The following COG6 variants were observed in gnomAD, a reference collection of about 807,000 sequenced individuals.
COG6 encodes conserved oligomeric Golgi complex subunit 6.
In COG6, 74 loss-of-function variants were observed where a neutral mutation model predicts 88.8. The ratio of observed to expected loss-of-function variants is 0.83; its 90% CI spans 0.69 to 1.01. The LOEUF (loss-of-function observed/expected upper bound fraction) is 1.01, where lower values mean the gene tolerates loss of function less well. Among genes scored for constraint, COG6 ranks in the 50% least tolerant of loss-of-function variants. The pLI, the probability that COG6 is intolerant of heterozygous loss-of-function variation, is 0.00. For missense variants in COG6, 800 were observed against 797.9 expected, an observed-to-expected ratio of 1.00 and a Z score of -0.03; for synonymous variants, 286 against 278.7, an observed-to-expected ratio of 1.03 and a Z score of -0.26.
chr13:39,695,276 T>A (rs1877213085), intron 12 of COG6, among the ~76,000 whole-genome samples: 1 of 151,782 alleles, frequency 6.6e-6, no homozygotes, highest in African/African-American at 2.4e-5. Context: ...AACAGCAACT[T>A]TATCTGATTA....
chr13:39,706,771 C>T (rs7989518), intron 13 of COG6, among the ~76,000 whole-genome samples: 36,027 of 151,456 alleles, frequency 0.24, 4,462 homozygotes, highest in Non-Finnish European at 0.28. Context: ...GCAACCTCCT[C>T]CTCCTGGGTT....
In COG6 at chr13:39,665,124, T is replaced by C. The variant is rs552900633; in HGVS notation, c.398T>C (p.Ile133Thr). The C allele has an allele frequency of 5.9e-5, 90 of 1,519,132 alleles. 1 individual carries two copies. The South Asian group carries it at 9.1e-4, about 15-fold the overall frequency. 94.1% of individuals were successfully genotyped at this position (1,519,132 alleles called of 1,614,324 possible). The change falls in exon 4 of 19, where the codon ATA (isoleucine) becomes ACA (threonine). Residue 133 changes from isoleucine (I) to threonine (T), a missense_variant. Transcript: ENST00000455146. Reference protein sequence around the residue: ...QAAKEQTQDLIVKTTKLQSES... With the variant: ...QAAKEQTQDLTVKTTKLQSES... ...GCAAAGGAACAGACTCAAGATTTAA[T>C]AGTAAAAACCACTAAGCTTCAATCT...
At chr13:39,740,117 A>G (rs549821850) in intron 18 of COG6, among the ~76,000 whole-genome samples, 1 of 152,342 alleles carries the variant, frequency 6.6e-6, no homozygotes, top group South Asian at 2.1e-4. Context: ...CTAAATAGGC[A>G]TACTCTGTTC....
chr13:39,755,508 A>C (rs945618993), downstream of COG6, among the ~76,000 whole-genome samples: 1 of 152,222 alleles, frequency 6.6e-6, no homozygotes, highest in African/African-American at 2.4e-5. Context: ...AAGTTGGAGC[A>C]AACAATAAAC....
chr13:39,729,384 A>AAC (rs1699503653), intron 18 of COG6, among the ~76,000 whole-genome samples: 1 of 152,232 alleles, frequency 6.6e-6, no homozygotes, highest in Non-Finnish European at 1.5e-5. Context: ...CTGTAAAGGA[A>AAC]ACAGATGGAC....
chr13:39,787,216 C>G (rs953192775), intron 18 of COG6, among the ~76,000 whole-genome samples: 1 of 152,088 alleles, frequency 6.6e-6, no homozygotes, highest in African/African-American at 2.4e-5. Flanking sequence ...AAAGCCAGTT[C>G]CAGGCAAGAT....
chr13:39,720,011 A>ACACACG (rs1878769297), intron 15 of COG6, among the ~76,000 whole-genome samples, 184 bp downstream of exon 15: 1 of 151,424 alleles, frequency 6.6e-6, no homozygotes, highest in African/African-American at 2.4e-5. Flanking sequence ...ACACACACAC[A>ACACACG]CACACACACA....
chr13:39,682,846 A>G (rs1338643325), intron 8 of COG6, among the ~76,000 whole-genome samples: 3 of 151,986 alleles, frequency 2.0e-5, no homozygotes, highest in Admixed American at 2.0e-4. Flanking sequence ...TATAAAATAA[A>G]AGGTAAATAC....
chr13:39,786,641 A>C (rs1881782204), intron 18 of COG6, among the ~76,000 whole-genome samples: 1 of 152,196 alleles, frequency 6.6e-6, no homozygotes, highest in Non-Finnish European at 1.5e-5. Context: ...ACAAATATGA[A>C]ATTGATAATC....
chr13:39,689,840 T>C lies in COG6; in HGVS notation c.1074+16T>C. 6.4e-7 allele frequency: 1 copy of C among 1,552,186 alleles called. No individual in the cohort carries two copies. The highest frequency in any genetic ancestry group is 1.1e-5 in the South Asian group (1 of 89,592). On this transcript the variant is annotated intron_variant, in intron 11 of 18. Transcript: ENST00000455146. ...GCCTCTAAAGGTAAAATATTTTGTT[T>C]TTACATATGCTATATGGTACCTGCT...
intron 18 of COG6, among the ~76,000 whole-genome samples, chr13:39,743,764 T>G (rs1209976152): frequency 2.6e-5 from 4 of 152,130 alleles, no homozygotes; most frequent in African/African-American, 7.2e-5. Flanking sequence ...GAGGCCAGCA[T>G]CATCCTGATA....
intron 18 of COG6, 100 bp from the exon 19 acceptor site, chr13:39,750,846 A>AAAATG: frequency 1.2e-6 from 1 of 867,218 alleles, no homozygotes; most frequent in Non-Finnish European, 1.9e-6. Flanking sequence ...GATGATAATG[A>AAAATG]AAATGAAATG....
chr13:39,729,181 G>A (rs569600236), intron 18 of COG6, among the ~76,000 whole-genome samples: 5 of 152,114 alleles, frequency 3.3e-5, no homozygotes, highest in Admixed American at 6.5e-5. Context: ...CCCCAACCCC[G>A]GGCCAGGGAC....
chr13:39,722,932 T>C (rs1437585900), intron 15 of COG6, among the ~76,000 whole-genome samples: 1 of 152,104 alleles, frequency 6.6e-6, no homozygotes, highest in Non-Finnish European at 1.5e-5. Context: ...GATGGTATAT[T>C]TGATTTGTTA....
At chr13:39,702,961 C>G (rs1877666217) in intron 13 of COG6, among the ~76,000 whole-genome samples, 1 of 152,096 alleles carries the variant, frequency 6.6e-6, no homozygotes, top group Non-Finnish European at 1.5e-5. Flanking sequence ...CCATCACTAT[C>G]TTGCCATTAG....
chr13:39,682,160 T>C lies in COG6; in HGVS notation c.695-11T>C. ...AATTTAACAAAAGTTATAATGTTAA[T>C]TATTTTTCAGGTGAATGCAGAACAT... On this transcript the variant is annotated splice_polypyrimidine_tract_variant and intron_variant, in intron 7 of 18. Coordinates refer to ENST00000455146, the MANE Select transcript of COG6 (RefSeq NM_020751.3). 2 of 1,582,384 alleles carry C rather than the reference T, an allele frequency of 1.3e-6. No homozygotes were observed. Among genetic ancestry groups the C allele is most frequent in the Non-Finnish European group, 1.7e-6 (2 of 1,151,234 alleles).
At chr13:39,748,115 C>A (rs1593471097) in intron 18 of COG6, among the ~76,000 whole-genome samples, 1 of 152,046 alleles carries the variant, frequency 6.6e-6, no homozygotes, top group Non-Finnish European at 1.5e-5. Context: ...TATGTTATTG[C>A]GCTTAGAAAA....
At chr13:39,715,794 T>G (rs1385380600) in intron 13 of COG6, among the ~76,000 whole-genome samples, 2 of 152,070 alleles carry the variant, frequency 1.3e-5, no homozygotes, top group Admixed American at 1.3e-4. Context: ...GTTGTTTCTT[T>G]TAGGGGGCAG....
intron 18 of COG6, among the ~76,000 whole-genome samples, chr13:39,749,082 A>G (rs1317895284): frequency 6.6e-6 from 1 of 152,160 alleles, no homozygotes; most frequent in Non-Finnish European, 1.5e-5. Flanking sequence ...CAATATTACT[A>G]TTACTGCTAT....
Sources: allele counts gnomAD v4.1 joint callset (sites outside exome capture counted in the v4.1 genomes callset), GRCh38; gene constraint gnomAD v4.1.1; transcripts MANE v1.5; gene names NCBI Gene and HGNC (gene_info 2026-07-23, HGNC 2026-07-21).